ATP8A2: variants seen among roughly 807,000 people sequenced by gnomAD.
ATP8A2 encodes the protein phospholipid-transporting ATPase IB.
A neutral mutation model predicts 165.6 loss-of-function variants in ATP8A2; 100 were observed. That is an observed-to-expected ratio of 0.60 (90% CI 0.51 to 0.71). The LOEUF (loss-of-function observed/expected upper bound fraction) is 0.71. ATP8A2 is among the 30% of genes least tolerant of loss of function. ATP8A2 has a pLI of 0.00. For synonymous variants in ATP8A2, 543 were observed against 548.8 expected, an observed-to-expected ratio of 0.99 and a Z score of 0.15; for missense variants, 1,227 against 1,479.5, an observed-to-expected ratio of 0.83 and a Z score of 2.80.
chr13:25,899,259 A>C (rs1055988270), intron 33 of ATP8A2, among the ~76,000 whole-genome samples: 8 of 152,216 alleles, frequency 5.3e-5, no homozygotes, highest in South Asian at 4.1e-4. Context: ...TCTGTAGAGC[A>C]AGGGCAGCTT....
chr13:25,480,627 C>T (rs2036157295), intron 2 of ATP8A2, among the ~76,000 whole-genome samples: 2 of 151,448 alleles, frequency 1.3e-5, no homozygotes, highest in African/African-American at 4.9e-5. Flanking sequence ...TCCTCACTTC[C>T]TAGATGGGAT....
intron 25 of ATP8A2, among the ~76,000 whole-genome samples, chr13:25,753,946 C>G (rs2044207622): frequency 6.6e-6 from 1 of 152,228 alleles, no homozygotes; most frequent in African/African-American, 2.4e-5. Context: ...CCTTCATTCA[C>G]TGAAGGACTT....
intron 24 of ATP8A2, among the ~76,000 whole-genome samples, chr13:25,666,415 A>C (rs1188843076): frequency 6.6e-6 from 1 of 151,778 alleles, no homozygotes; most frequent in Non-Finnish European, 1.5e-5. Flanking sequence ...GTATATATAT[A>C]TATTAGTAGA....
intron 27 of ATP8A2, among the ~76,000 whole-genome samples, chr13:25,782,684 C>A (rs576472511): frequency 6.6e-6 from 1 of 152,290 alleles, no homozygotes; most frequent in South Asian, 2.1e-4. Context: ...TACTTAAATA[C>A]CTAATGCATT....
intron 1 of ATP8A2, among the ~76,000 whole-genome samples, chr13:25,417,677 C>T (rs759133887): frequency 4.5e-4 from 69 of 152,210 alleles, no homozygotes; most frequent in Non-Finnish European, 9.4e-4. Flanking sequence ...TTCTGACTCA[C>T]TATATTTGGG....
intron 35 of ATP8A2, among the ~76,000 whole-genome samples, chr13:26,004,370 C>A (rs986190219): frequency 5.3e-5 from 8 of 152,056 alleles, no homozygotes; most frequent in Non-Finnish European, 8.8e-5. Flanking sequence ...TTGTATCCTG[C>A]AACCTTACTA....
chr13:25,577,046 C>T, intron 19 of ATP8A2, 23 bp from the exon 20 acceptor site: 11 of 1,225,432 alleles, frequency 9.0e-6, no homozygotes, highest in Non-Finnish European at 1.2e-5. Context: ...CCAATGATGA[C>T]TTTTTTTTTT....
chr13:25,791,833 C>T (rs2045187439), intron 27 of ATP8A2, among the ~76,000 whole-genome samples: 2 of 152,186 alleles, frequency 1.3e-5, no homozygotes, highest in Admixed American at 6.5e-5. Flanking sequence ...TTACTAGACC[C>T]TTGTTTCCTT....
chr13:25,983,564 A>G (rs147385903), intron 35 of ATP8A2, among the ~76,000 whole-genome samples: 266 of 152,344 alleles, frequency 1.7e-3, no homozygotes, highest in African/African-American at 6.0e-3. Flanking sequence ...CATTTCCTTT[A>G]TAGAACCTTG....
chr13:25,690,724 C>T (rs1205064844), intron 24 of ATP8A2, among the ~76,000 whole-genome samples: 3 of 152,134 alleles, frequency 2.0e-5, no homozygotes, highest in African/African-American at 4.8e-5. Flanking sequence ...GTGAGCTCAC[C>T]TGGGAACCCA....
At chr13:25,540,077 C>T (rs1325248703) in intron 7 of ATP8A2, among the ~76,000 whole-genome samples, 1 of 152,190 alleles carries the variant, frequency 6.6e-6, no homozygotes, top group Non-Finnish European at 1.5e-5. Flanking sequence ...TGAGGCTCAG[C>T]AGTCATTATG....
At chr13:25,695,140 T>G (rs553932571) in intron 24 of ATP8A2, among the ~76,000 whole-genome samples, 1 of 152,192 alleles carries the variant, frequency 6.6e-6, no homozygotes, top group East Asian at 1.9e-4. Context: ...ATCTTTTTTT[T>G]TTTTTGGTTT....
Position 25,902,117 on chromosome 13 carries a change from A to G in ATP8A2, c.3183+39709A>G, listed in dbSNP as rs192042780. 1.1e-4 allele frequency among the ~76,000 whole-genome samples: 16 copies of G among 152,324 alleles called. 1 individual carries two copies. The highest frequency in any genetic ancestry group is 9.8e-4 in the Admixed American group (15 of 15,302). On this transcript the variant is annotated intron_variant, in intron 33 of 36. Coordinates refer to ENST00000381655, the MANE Select transcript of ATP8A2 (RefSeq NM_016529.6). Reference sequence around the variant, plus strand: ...AGGGGTATGGGGTTTAAAAAGGACAATGAAAAAGTTCACTGAGCAGGAAAG... The same window carrying G: ...AGGGGTATGGGGTTTAAAAAGGACAGTGAAAAAGTTCACTGAGCAGGAAAG...
At chr13:25,651,439 C>T (rs79907290) in intron 24 of ATP8A2, among the ~76,000 whole-genome samples, 1 of 140,994 alleles carries the variant, frequency 7.1e-6, no homozygotes, top group Non-Finnish European at 1.6e-5. Flanking sequence ...GAGACTGTTT[C>T]AAAAAAAAAA....
At chr13:25,646,772 T>C (rs77953652) in intron 24 of ATP8A2, among the ~76,000 whole-genome samples, 5,252 of 152,258 alleles carry the variant, frequency 0.034, 155 homozygotes, top group East Asian at 0.13. Context: ...CTTAGTATTT[T>C]GTCAGTTTTG....
intron 10 of ATP8A2, among the ~76,000 whole-genome samples, chr13:25,544,505 G>A (rs1232452187): frequency 6.6e-6 from 1 of 152,156 alleles, no homozygotes; most frequent in Non-Finnish European, 1.5e-5. Context: ...AGACAGGGAG[G>A]AGAGATGGGA....
chr13:25,962,988 C>T (rs913268958), intron 34 of ATP8A2, among the ~76,000 whole-genome samples: 3 of 152,008 alleles, frequency 2.0e-5, no homozygotes, highest in African/African-American at 7.3e-5. Context: ...ACCATTACTT[C>T]CATTTTATTT....
At chr13:25,773,477 T>C (rs988881794) in intron 26 of ATP8A2, among the ~76,000 whole-genome samples, 1 of 152,210 alleles carries the variant, frequency 6.6e-6, no homozygotes, top group Non-Finnish European at 1.5e-5. Context: ...AGATACGATC[T>C]GAGTGGTGTC....
chr13:25,927,030 A>G, intron 33 of ATP8A2: 1 of 422,554 alleles, frequency 2.4e-6, no homozygotes, highest in Admixed American at 2.4e-5. Flanking sequence ...TCTCCTTGCC[A>G]CTCTCTCCTG....
Sources: gnomAD v4.1 joint callset for allele counts (sites outside exome capture counted in the v4.1 genomes callset) on GRCh38, gnomAD v4.1.1 for gene constraint, MANE v1.5 for transcripts, NCBI Gene and HGNC (gene_info 2026-07-23, HGNC 2026-07-21) for gene names.